The following HIRA variants were observed in gnomAD, a reference collection of about 807,000 sequenced individuals.
The protein encoded by HIRA is protein HIRA.
HIRA carries 13 observed loss-of-function variants against 126.6 expected under a neutral mutation model. The observed-to-expected ratio is 0.10, with a 90% confidence interval of 0.07 to 0.16. The LOEUF is 0.16. Ranked by LOEUF, HIRA falls within the 10% of genes least tolerant of loss-of-function variation. The probability of loss-of-function intolerance (pLI) is 1.00; values close to 1 mark genes in which losing one functional copy is unlikely to be tolerated. For synonymous variants in HIRA, 511 were observed against 520.0 expected, an observed-to-expected ratio of 0.98 and a Z score of 0.24; for missense variants, 834 against 1,314.4, an observed-to-expected ratio of 0.63 and a Z score of 5.65.
chr22:19,356,095 C>A, intron 20 of HIRA, 135 bp downstream of exon 20: 2 of 834,816 alleles, frequency 2.4e-6, no homozygotes, highest in Non-Finnish European at 4.0e-6. Context: ...TCTCCTGCAG[C>A]GTAACCACAC....
rs545333097 is a variant in HIRA at position 19,431,598 on chromosome 22, C to A, written c.-122G>T. 5 of 901,524 alleles carry A rather than the reference C, an allele frequency of 5.5e-6. No individual in the cohort carries two copies. The South Asian group carries it at 2.0e-4, about 35-fold the overall frequency. 55.8% of individuals were successfully genotyped at this position (901,524 alleles called of 1,614,324 possible). A position where few individuals can be genotyped will look rare whatever the true frequency, so the allele number is the denominator to read the frequency against. ...CGCCCTCCGGCCGCCGCCCGCCCCG[C>A]GCCCTCAGGGCCGCCGCGCCATCGC... On this transcript the variant is annotated 5_prime_UTR_variant, in exon 1 of 25. Transcript: ENST00000263208.
intron 24 of HIRA, among the ~76,000 whole-genome samples, chr22:19,343,275 G>A (rs1044583965): frequency 2.0e-5 from 3 of 152,180 alleles, no homozygotes; most frequent in African/African-American, 7.2e-5. Context: ...AAAGAGGCCA[G>A]GTGCAGTGGC....
chr22:19,396,701 A>G, intron 7 of HIRA, 86 bp downstream of exon 7: 1 of 1,443,484 alleles, frequency 6.9e-7, no homozygotes, highest in Non-Finnish European at 9.5e-7. Context: ...GGCCTGGCCC[A>G]TGGCCAGCTC....
intron 7 of HIRA, among the ~76,000 whole-genome samples, chr22:19,395,375 C>G (rs1482037582): frequency 1.3e-5 from 2 of 152,100 alleles, no homozygotes; most frequent in Non-Finnish European, 2.9e-5. Context: ...CCAGTAGAGG[C>G]TGAAGAGTAC....
At chr22:19,422,853 C>A (rs1248973433) in intron 1 of HIRA, among the ~76,000 whole-genome samples, 3 of 152,200 alleles carry the variant, frequency 2.0e-5, no homozygotes, top group Non-Finnish European at 4.4e-5. Context: ...AGTGGAAGCA[C>A]TCTTTTGGCA....
intron 17 of HIRA, 56 bp downstream of exon 17, chr22:19,361,181 G>A: frequency 7.7e-7 from 1 of 1,290,822 alleles, no homozygotes; most frequent in Admixed American, 1.7e-5. Flanking sequence ...ATGCAGTAGG[G>A]GACAGAGAAT....
At chr22:19,422,135 CATTTT>C (rs2089450935) in intron 1 of HIRA, among the ~76,000 whole-genome samples, 1 of 147,658 alleles carries the variant, frequency 6.8e-6, no homozygotes, top group Admixed American at 6.9e-5. Context: ...AAGGTCTGGA[CATTTT>C]ATTTATACCT....
intron 14 of HIRA, 36 bp from the exon 15 acceptor site, chr22:19,375,828 A>G (rs1477536525): frequency 6.2e-7 from 1 of 1,608,772 alleles, no homozygotes; most frequent in Non-Finnish European, 8.5e-7. Flanking sequence ...GTCAAGCGCA[A>G]TCCTGAAAGG....
chr22:19,348,208 C>T (rs1216838040), intron 24 of HIRA, among the ~76,000 whole-genome samples: 1 of 152,176 alleles, frequency 6.6e-6, no homozygotes, highest in Non-Finnish European at 1.5e-5. Flanking sequence ...TAGAAGTGTT[C>T]TGTAGAAGAA....
At chr22:19,387,308 C>T (rs2089135941) in intron 11 of HIRA, among the ~76,000 whole-genome samples, 1 of 152,156 alleles carries the variant, frequency 6.6e-6, no homozygotes, top group Non-Finnish European at 1.5e-5. Context: ...ATCATATGTG[C>T]AAAACACATT....
At chr22:19,381,350 C>T (rs2089071559) in intron 13 of HIRA, among the ~76,000 whole-genome samples, 2 of 152,196 alleles carry the variant, frequency 1.3e-5, no homozygotes, top group Non-Finnish European at 2.9e-5. Context: ...TGACTAACTA[C>T]ATGGGCTAGG....
chr22:19,384,102 A>AAG (rs1569302370), intron 12 of HIRA, among the ~76,000 whole-genome samples: 3 of 151,804 alleles, frequency 2.0e-5, no homozygotes, highest in African/African-American at 7.3e-5. Context: ...GACAGATCAC[A>AAG]AGGTCAGGAG....
At position 19,431,726 on chromosome 22, in the gene HIRA, C is replaced by G. The variant is rs531063195; in HGVS notation, c.-250G>C. On this transcript the variant is annotated 5_prime_UTR_variant, in exon 1 of 25. Transcript: ENST00000263208. ...GCGCCGCTCCTCCTCAGGCGGCTCC[C>G]GGGCAACGCCGGAAGTCACGGCGCG... The G allele has an allele frequency of 1.5e-5, 5 of 341,956 alleles. No homozygotes were observed. Among genetic ancestry groups the G allele is most frequent in the Non-Finnish European group, 2.6e-5 (5 of 195,890 alleles). 21.2% of individuals were successfully genotyped at this position (341,956 alleles called of 1,614,324 possible). A position where few individuals can be genotyped will look rare whatever the true frequency, so the allele number is the denominator to read the frequency against.
intron 1 of HIRA, 106 bp downstream of exon 1, chr22:19,431,334 C>G: frequency 1.5e-6 from 2 of 1,292,366 alleles, no homozygotes; most frequent in Non-Finnish European, 2.2e-6. Context: ...GCACCGGGTA[C>G]CGGGCGTCAG....
At chr22:19,363,756 C>A (rs1043089061) in intron 15 of HIRA, among the ~76,000 whole-genome samples, 1 of 151,908 alleles carries the variant, frequency 6.6e-6, no homozygotes, top group Non-Finnish European at 1.5e-5. Context: ...AAATTAGCCA[C>A]GTGTGGTGGC....
At chr22:19,352,577 G>A (rs1257135613) in intron 23 of HIRA, among the ~76,000 whole-genome samples, 3 of 152,152 alleles carry the variant, frequency 2.0e-5, no homozygotes, top group South Asian at 2.1e-4. Context: ...ACATACACTC[G>A]TATTTACACA....
chr22:19,351,212 AC>A lies in HIRA; in HGVS notation c.2937+145del. On this transcript the variant is annotated intron_variant, in intron 24 of 24. Coordinates refer to ENST00000263208, the MANE Select transcript of HIRA (RefSeq NM_003325.4). This position sits in a 1 kb window ranked among gnomAD's most constrained non-coding sequence, Gnocchi z 4.8. ...GGTTGTGGAGGGCCGTCGGCATGTC[AC>A]CCTCTCACTGATGCTGGGACCTGAG... is the stretch of plus-strand genomic sequence containing the variant. 2 of 1,392,222 alleles carry A rather than the reference AC, an allele frequency of 1.4e-6. No individual in the cohort carries two copies. The highest frequency in any genetic ancestry group is 1.9e-6 in the Non-Finnish European group (2 of 1,075,948). The allele number at this position is 1,392,222 out of a possible 1,614,324, so 86.2% of individuals were successfully genotyped here.
At chr22:19,405,556 C>A (rs2089301260) in intron 5 of HIRA, 1 of 970,948 alleles carries the variant, frequency 1.0e-6, no homozygotes, top group Admixed American at 6.2e-5. Flanking sequence ...TAAACATATA[C>A]CCCATGAGGG....
intron 24 of HIRA, among the ~76,000 whole-genome samples, chr22:19,345,779 CT>C (rs1291114190): frequency 1.3e-5 from 2 of 152,148 alleles, no homozygotes; most frequent in Admixed American, 6.6e-5. Flanking sequence ...AGAACAGGGC[CT>C]GGCTGGGGAG....
Sources: allele counts gnomAD v4.1 joint callset (sites outside exome capture counted in the v4.1 genomes callset), GRCh38; gene constraint gnomAD v4.1.1; non-coding constraint Gnocchi (gnomAD v3.1); transcripts MANE v1.5; gene names NCBI Gene and HGNC (gene_info 2026-07-23, HGNC 2026-07-21).